Variants in FSD1 observed in about 807,000 individuals in gnomAD.
The protein encoded by FSD1 is fibronectin type III and SPRY domain containing 1.
In FSD1, 23 loss-of-function variants were observed where a neutral mutation model predicts 58.2. The observed-to-expected ratio is 0.40, with a 90% CI of 0.28 to 0.56. The LOEUF is 0.56. Among genes scored for constraint, FSD1 ranks in the 20% least tolerant of loss-of-function variants. FSD1 has a pLI of 0.54. For missense variants in FSD1, 563 were observed against 670.8 expected, an observed-to-expected ratio of 0.84 and a Z score of 1.78; for synonymous variants, 265 against 263.4, an observed-to-expected ratio of 1.01 and a Z score of -0.06.
chr19:4,311,778 C>A lies in FSD1; in HGVS notation c.491-64C>A, dbSNP rs1408809529. ...AACATGTGGTTGGGCAGCCCTGCAGCAAGCCCCCTGCCCCCTGAACCAGGC... is the reference window on the plus strand; with the variant it reads ...AACATGTGGTTGGGCAGCCCTGCAGAAAGCCCCCTGCCCCCTGAACCAGGC... On this transcript the variant is annotated intron_variant, in intron 6 of 12. Coordinates refer to ENST00000221856, the MANE Select transcript of FSD1 (RefSeq NM_024333.3). The A allele has an allele frequency of 2.7e-6, 4 of 1,501,850 alleles. No homozygotes were observed. In the Admixed American group the frequency reaches 5.1e-5, roughly 19 times the overall value. 93.0% of individuals were successfully genotyped at this position (1,501,850 alleles called of 1,614,324 possible). A position where few individuals can be genotyped will look rare whatever the true frequency, so the allele number is the denominator to read the frequency against.
intron 7 of FSD1, among the ~76,000 whole-genome samples, chr19:4,312,901 A>G (rs1278436293): frequency 1.3e-5 from 2 of 151,754 alleles, no homozygotes; most frequent in African/African-American, 4.8e-5. Flanking sequence ...CTGGTCTCCA[A>G]CCCCTGGCCT....
At chr19:4,315,127 T>A (rs765047978) in intron 7 of FSD1, among the ~76,000 whole-genome samples, 1 of 148,686 alleles carries the variant, frequency 6.7e-6, no homozygotes, top group African/African-American at 2.6e-5. Context: ...TTCCCTTTTT[T>A]CTTTTTTCTT....
intron 3 of FSD1, among the ~76,000 whole-genome samples, chr19:4,306,734 A>C (rs905907001): frequency 2.1e-5 from 3 of 145,006 alleles, no homozygotes; most frequent in Non-Finnish European, 4.5e-5. Context: ...GATGACAGGC[A>C]TGAGCCCCCG....
rs375362992 is a variant in FSD1, at chr19:4,306,267, C to T, written c.181C>T (p.Leu61=). 39 of 1,613,916 alleles carry T rather than the reference C, an allele frequency of 2.4e-5. No individual in the cohort carries two copies. Among genetic ancestry groups the T allele is most frequent in the Non-Finnish European group, 3.1e-5 (37 of 1,179,976 alleles). Residue 61 remains leucine, a synonymous_variant, in exon 3 of 13, where the codon CTG becomes TTG. Coordinates refer to ENST00000221856, the MANE Select transcript of FSD1 (RefSeq NM_024333.3). The part of the protein sequence containing the change: ...FQSLFSLLEE[L]KEGMLMKIKQ... ...GTCCCTCTTCTCCCTCCTGGAGGAGCTGAAAGAAGGCATGCTTATGAAGAT... is the reference window on the plus strand; with the variant it reads ...GTCCCTCTTCTCCCTCCTGGAGGAGTTGAAAGAAGGCATGCTTATGAAGAT...
Position 4,323,371 on chromosome 19 carries a change from C to T in FSD1, c.1315C>T (p.Arg439Cys), listed in dbSNP as rs373115179. 5.5e-5 allele frequency: 89 copies of T among 1,613,750 alleles called. No individual in the cohort carries two copies. Among genetic ancestry groups the T allele is most frequent in the Non-Finnish European group, 6.5e-5 (77 of 1,179,872 alleles). ...AGGCCTCCTGTCCTTCTACAATGCC[C>T]GCACCAAACAAGTGCTGCACACTTT... The part of the protein sequence containing the change: ...HQGLLSFYNA[R>C]TKQVLHTFKT... Residue 439 changes from arginine to cysteine, a missense_variant, in exon 12 of 13, where the codon CGC (arginine) becomes TGC (cysteine). Coordinates refer to ENST00000221856, the MANE Select transcript of FSD1 (RefSeq NM_024333.3). The surrounding 1 kb of genome is among the most constrained non-coding windows in gnomAD (Gnocchi z 7.7).
At chr19:4,322,002 CT>C (rs1971824137) in intron 10 of FSD1, among the ~76,000 whole-genome samples, 2 of 140,136 alleles carry the variant, frequency 1.4e-5, no homozygotes, top group African/African-American at 5.4e-5. Context: ...GGAGGAATAA[CT>C]TGGACCCCAA....
intron 1 of FSD1, among the ~76,000 whole-genome samples, chr19:4,305,493 C>T (rs987361143): frequency 3.9e-5 from 6 of 152,134 alleles, no homozygotes; most frequent in Admixed American, 3.3e-4. Context: ...TCACGCCCCA[C>T]CTTCAGGATG....
intron 4 of FSD1, 70 bp from the exon 5 acceptor site, chr19:4,310,203 C>A: frequency 6.4e-7 from 1 of 1,567,362 alleles, no homozygotes; most frequent in Non-Finnish European, 8.8e-7. Flanking sequence ...CCAGCCTGGG[C>A]AACAGAGCAA....
intron 6 of FSD1, 57 bp downstream of exon 6, chr19:4,310,653 G>C: frequency 6.4e-7 from 1 of 1,574,552 alleles, no homozygotes; most frequent in South Asian, 1.1e-5. Context: ...TGGGAGGCTA[G>C]GAGGCCCTGA....
intron 7 of FSD1, among the ~76,000 whole-genome samples, chr19:4,313,181 A>G (rs1026452661): frequency 2.0e-5 from 3 of 149,952 alleles, no homozygotes; most frequent in African/African-American, 4.9e-5. Flanking sequence ...GAGCCCATCT[A>G]TAAAAAAAAA....
chr19:4,323,579 G>A lies in FSD1; in HGVS notation c.1427G>A (p.Ser476Asn). 1.9e-6 allele frequency: 3 copies of A among 1,613,116 alleles called. No individual in the cohort carries two copies. The highest frequency in any genetic ancestry group is 2.5e-6 in the Non-Finnish European group (3 of 1,179,752). The change falls in exon 13 of 13, where the codon AGT becomes AAT. Residue 476 changes from serine (S) to asparagine (N), a missense_variant. Ser to Asn is a conservative substitution (Grantham distance 46). Coordinates refer to ENST00000221856, the MANE Select transcript of FSD1 (RefSeq NM_024333.3). The surrounding 1 kb of genome is among the most constrained non-coding windows in gnomAD (Gnocchi z 7.7). ...GTGACGACAGGCCTGCAGGTCCCCA[G>A]TGCTGTGCGCTGCCTGCAAAAGCGA... ...FQVTTGLQVP[S>N]AVRCLQKRGS... is the part of the protein sequence containing the mutation.
In FSD1 at chr19:4,323,623, T is replaced by A; in HGVS notation, c.1471T>A (p.Ser491Thr). The change falls in exon 13 of 13, where the codon TCC becomes ACC. Residue 491 changes from serine (S) to threonine (T), a missense_variant. Coordinates refer to ENST00000221856, the MANE Select transcript of FSD1 (RefSeq NM_024333.3). The surrounding 1 kb of genome is among the most constrained non-coding windows in gnomAD (Gnocchi z 7.7). ...LQKRGSATSS[S>T]NTSLT Reference sequence around the variant, plus strand: ...AAAGCGAGGCAGTGCTACCAGCAGCTCCAACACCAGCCTCACCTAGGCCCC... The same window carrying A: ...AAAGCGAGGCAGTGCTACCAGCAGCACCAACACCAGCCTCACCTAGGCCCC... The A allele has an allele frequency of 1.2e-6, 2 of 1,612,306 alleles. No individual in the cohort carries two copies. Among genetic ancestry groups the A allele is most frequent in the East Asian group, 2.2e-5 (1 of 44,790 alleles).
chr19:4,311,649 A>C (rs1599535907), intron 6 of FSD1, 193 bp from the exon 7 acceptor site: 1 of 564,152 alleles, frequency 1.8e-6, no homozygotes, highest in South Asian at 2.0e-5. Context: ...GTGCCACTGC[A>C]CTCCAGCCTG....
chr19:4,316,444 C>T (rs150955263), intron 7 of FSD1, among the ~76,000 whole-genome samples: 1,616 of 150,560 alleles, frequency 0.011, 28 homozygotes, highest in African/African-American at 0.036. Context: ...TGGTCTTGAA[C>T]GCCTGACCTC....
At chr19:4,308,446 G>A (rs1425898188) in intron 4 of FSD1, among the ~76,000 whole-genome samples, 1 of 152,102 alleles carries the variant, frequency 6.6e-6, no homozygotes, top group Non-Finnish European at 1.5e-5. Context: ...ATTCAGGCTG[G>A]GTGCAGTGGC....
chr19:4,304,940 GC>G (rs887257779), intron 1 of FSD1, among the ~76,000 whole-genome samples, 179 bp downstream of exon 1: 15 of 123,912 alleles, frequency 1.2e-4, no homozygotes, highest in African/African-American at 4.4e-4. Flanking sequence ...TTGGGACGCA[GC>G]CCCCCCACAT....
intron 1 of FSD1, among the ~76,000 whole-genome samples, chr19:4,305,169 G>A (rs1169723799): frequency 6.8e-6 from 1 of 146,684 alleles, no homozygotes; most frequent in Non-Finnish European, 1.5e-5. Context: ...CTGGGTCAGA[G>A]CAAGAGGCTC....
chr19:4,307,141 G>A (rs911359537), intron 3 of FSD1, among the ~76,000 whole-genome samples: 5 of 152,076 alleles, frequency 3.3e-5, no homozygotes, highest in Admixed American at 2.6e-4. Context: ...TGCAGCGTCC[G>A]CCTCCCAGGC....
intron 10 of FSD1, among the ~76,000 whole-genome samples, chr19:4,321,607 G>T (rs1971819411): frequency 6.6e-6 from 1 of 150,860 alleles, no homozygotes; most frequent in Non-Finnish European, 1.5e-5. Context: ...AGCCAGAGAA[G>T]TATCTGGAGG....
Sources: allele counts gnomAD v4.1 joint callset (sites outside exome capture counted in the v4.1 genomes callset), GRCh38; gene constraint gnomAD v4.1.1; non-coding constraint Gnocchi (gnomAD v3.1); transcripts MANE v1.5; gene names NCBI Gene and HGNC (gene_info 2026-07-23, HGNC 2026-07-21).